The following TMEM67 variants were observed in gnomAD, a reference collection of about 807,000 sequenced individuals.
TMEM67 encodes the protein meckelin.
In TMEM67, 124 loss-of-function variants were observed where a neutral mutation model predicts 136.6. The observed-to-expected ratio is 0.91, with a 90% CI of 0.78 to 1.05. The LOEUF (loss-of-function observed/expected upper bound fraction) is 1.05, where lower values mean the gene tolerates loss of function less well. Among genes scored for constraint, TMEM67 ranks in the 50% least tolerant of loss-of-function variants. The pLI, the probability that TMEM67 is intolerant of heterozygous loss-of-function variation, is 0.00. For missense variants in TMEM67, 1,107 were observed against 1,178.4 expected, an observed-to-expected ratio of 0.94 and a Z score of 0.89; for synonymous variants, 364 against 390.5, an observed-to-expected ratio of 0.93 and a Z score of 0.80.
intron 20 of TMEM67, among the ~76,000 whole-genome samples, chr8:93,799,241 G>A (rs1814760196): frequency 6.6e-6 from 1 of 152,046 alleles, no homozygotes; most frequent in Non-Finnish European, 1.5e-5. Flanking sequence ...GTATAAAAAT[G>A]TTTAGTACAG....
chr8:93,776,778 A>G (rs1563454972), intron 7 of TMEM67, among the ~76,000 whole-genome samples: 1 of 152,188 alleles, frequency 6.6e-6, no homozygotes, highest in African/African-American at 2.4e-5. Flanking sequence ...GGATTTTTGC[A>G]TCGATGTTCA....
intron 26 of TMEM67, among the ~76,000 whole-genome samples, chr8:93,813,310 CTG>C (rs1808772509): frequency 6.6e-6 from 1 of 152,114 alleles, no homozygotes; most frequent in Non-Finnish European, 1.5e-5. Flanking sequence ...ACCCAAGTAG[CTG>C]GGATTACAGG....
intron 16 of TMEM67, among the ~76,000 whole-genome samples, chr8:93,793,879 A>AT (rs1222150836): frequency 6.6e-6 from 1 of 150,932 alleles, no homozygotes; most frequent in African/African-American, 2.4e-5. Flanking sequence ...TTTTGTTTTC[A>AT]TTTTTGTTTT....
Position 93,799,781 on chromosome 8 carries a change from T to C in TMEM67, c.2241+23T>C, listed in dbSNP as rs758174242. The C allele has an allele frequency of 6.2e-6, 10 of 1,600,432 alleles. No homozygotes were observed. The African/African-American group carries it at 6.7e-5, about 11-fold the overall frequency. On this transcript the variant is annotated intron_variant, in intron 21 of 27. Coordinates refer to ENST00000453321, the MANE Select transcript of TMEM67 (RefSeq NM_153704.6). ...CAGGTAAGGAATTATACAGGTAATATTACTTCTAAGTAACATTGCTTCTTT... is the reference window on the plus strand; with the variant it reads ...CAGGTAAGGAATTATACAGGTAATACTACTTCTAAGTAACATTGCTTCTTT...
At chr8:93,776,799 T>G (rs1468905377) in intron 7 of TMEM67, among the ~76,000 whole-genome samples, 1 of 152,246 alleles carries the variant, frequency 6.6e-6, no homozygotes, top group African/African-American at 2.4e-5. Context: ...TCAGGGATAT[T>G]GGTCTAAAAT....
At chr8:93,758,997 T>G (rs574191887) in intron 3 of TMEM67, 1 of 156,282 alleles carries the variant, frequency 6.4e-6, no homozygotes, top group Non-Finnish European at 1.4e-5. Context: ...CTGAGTTTTT[T>G]AAAACTCTTA....
intron 20 of TMEM67, among the ~76,000 whole-genome samples, chr8:93,798,942 AGTGTGTGTGTGTGTGTGTGTGTGT>A (rs35511670): frequency 7.0e-6 from 1 of 143,398 alleles, no homozygotes; most frequent in Non-Finnish European, 1.5e-5. Context: ...GTACTAAAGT[AGTGTGTGTGTGTGTGTGTGTGTGT>A]GTGTGTGTGT....
At chr8:93,796,160 C>G (rs1207138789) in intron 18 of TMEM67, among the ~76,000 whole-genome samples, 173 bp downstream of exon 18, 2 of 152,142 alleles carry the variant, frequency 1.3e-5, no homozygotes, top group Non-Finnish European at 2.9e-5. Context: ...GATGCTCAGT[C>G]TGAAACTCTG....
chr8:93,811,096 C>G (rs978902799), intron 26 of TMEM67, among the ~76,000 whole-genome samples: 1 of 152,170 alleles, frequency 6.6e-6, no homozygotes, highest in Admixed American at 6.5e-5. Flanking sequence ...ATGATCCCTA[C>G]CTTGGGTATC....
intron 11 of TMEM67, among the ~76,000 whole-genome samples, chr8:93,784,029 C>A (rs528822813): frequency 3.5e-4 from 53 of 152,240 alleles, no homozygotes; most frequent in African/African-American, 1.3e-3. Flanking sequence ...AACCATAGAA[C>A]AAAACCATAA....
intron 7 of TMEM67, among the ~76,000 whole-genome samples, chr8:93,780,107 T>C (rs1351199209): frequency 6.6e-6 from 1 of 151,892 alleles, no homozygotes; most frequent in Non-Finnish European, 1.5e-5. Context: ...CCTGCCAGCC[T>C]GCTGCCTGGC....
chr8:93,779,519 G>A (rs528203335), intron 7 of TMEM67, among the ~76,000 whole-genome samples: 2 of 152,248 alleles, frequency 1.3e-5, no homozygotes, highest in East Asian at 3.9e-4. Context: ...CTTTGATGTT[G>A]GTGACCTACA....
intron 7 of TMEM67, among the ~76,000 whole-genome samples, chr8:93,774,613 G>A (rs1438748199): frequency 6.6e-6 from 1 of 152,148 alleles, no homozygotes; most frequent in East Asian, 1.9e-4. Context: ...AGAGTGTTTA[G>A]TTTTCTGTCC....
the TMEM67 span, among the ~76,000 whole-genome samples, chr8:93,825,280 C>T: frequency 7.2e-5 from 11 of 152,122 alleles, no homozygotes; most frequent in African/African-American, 2.4e-4. Flanking sequence ...GGAGAGCTGG[C>T]GCAAGGACAG....
chr8:93,821,356 A>C (rs1044195703), downstream of TMEM67, among the ~76,000 whole-genome samples: 15 of 152,166 alleles, frequency 9.9e-5, no homozygotes, highest in Admixed American at 3.9e-4. Context: ...ATCATGGCTC[A>C]CTGTAGACTC....
rs763683786 is a variant in TMEM67, at chr8:93,799,590, A to C, written c.2101-28A>C. 7 of 1,611,216 alleles carry C rather than the reference A, an allele frequency of 4.3e-6. No individual in the cohort carries two copies. The East Asian group carries it at 1.6e-4, about 36-fold the overall frequency. On this transcript the variant is annotated intron_variant, in intron 20 of 27. Coordinates refer to ENST00000453321, the MANE Select transcript of TMEM67 (RefSeq NM_153704.6). The stretch of plus-strand genomic sequence containing the variant: ...TAGTTTTCTTTATCCATGTCCGTTT[A>C]AATTACTACTTTTCCTTTTTACTCC...
At chr8:93,832,325 C>A in the TMEM67 span, among the ~76,000 whole-genome samples, 2 of 152,154 alleles carry the variant, frequency 1.3e-5, no homozygotes, top group Admixed American at 1.3e-4. Context: ...CCCATGGAGG[C>A]TACAGGAAAG....
At chr8:93,756,639 T>C (rs1469644646) in intron 2 of TMEM67, 6 of 152,330 alleles carry the variant, frequency 3.9e-5, no homozygotes, top group African/African-American at 1.4e-4. Context: ...TTATAATAGA[T>C]TATAATAGAT....
At chr8:93,781,870 G>T in intron 10 of TMEM67, 126 bp downstream of exon 10, 3 of 525,560 alleles carry the variant, frequency 5.7e-6, no homozygotes, top group South Asian at 3.3e-5. Flanking sequence ...TTTTTCTGAT[G>T]CTTTAAATTA....
Sources: gnomAD v4.1 joint callset for allele counts (sites outside exome capture counted in the v4.1 genomes callset) on GRCh38, gnomAD v4.1.1 for gene constraint, MANE v1.5 for transcripts, NCBI Gene and HGNC (gene_info 2026-07-23, HGNC 2026-07-21) for gene names.